Variants in CR1L observed in about 807,000 individuals in gnomAD.
The protein encoded by CR1L is complement component receptor 1-like protein.
Under a neutral mutation model 62.3 loss-of-function variants are expected in CR1L, and 59 were observed. The ratio of observed to expected loss-of-function variants is 0.95; its 90% CI spans 0.77 to 1.18. The LOEUF is 1.18. Ranked by LOEUF, CR1L falls within the 50% of genes most tolerant of loss-of-function variation. The pLI, the probability that CR1L is intolerant of heterozygous loss-of-function variation, is 0.00. For missense variants in CR1L, 700 were observed against 702.8 expected (o/e 1.00, Z 0.04); for synonymous variants, 279 against 248.7 (o/e 1.12, Z -1.15).
chr1:207,698,358 T>A (rs895020854), intron 7 of CR1L, among the ~76,000 whole-genome samples: 4 of 152,128 alleles, frequency 2.6e-5, no homozygotes, highest in South Asian at 2.1e-4. Context: ...ATCAGCATTT[T>A]AAAAAAATCC....
chr1:207,689,111 T>C (rs1571521608), intron 4 of CR1L, among the ~76,000 whole-genome samples: 2 of 152,278 alleles, frequency 1.3e-5, no homozygotes, highest in South Asian at 4.1e-4. Flanking sequence ...ATGTATGCTG[T>C]AGATTTTTGT....
chr1:207,708,560 G>A (rs1289140869), intron 10 of CR1L, among the ~76,000 whole-genome samples: 4 of 152,182 alleles, frequency 2.6e-5, no homozygotes, highest in African/African-American at 9.7e-5. Flanking sequence ...CATTTTCTTT[G>A]GTGAAGTCAA....
intron 10 of CR1L, among the ~76,000 whole-genome samples, chr1:207,715,893 C>T (rs1269505113): frequency 6.6e-6 from 1 of 152,048 alleles, no homozygotes; most frequent in Non-Finnish European, 1.5e-5. Flanking sequence ...TGGAGTCTTG[C>T]CATATTGCCC....
intron 1 of CR1L, among the ~76,000 whole-genome samples, chr1:207,675,159 A>G (rs1279150378): frequency 6.6e-6 from 1 of 152,208 alleles, no homozygotes; most frequent in Non-Finnish European, 1.5e-5. Flanking sequence ...ATACATATCT[A>G]ATATCTTTTG....
chr1:207,688,634 A>T (rs1663949160), intron 4 of CR1L, among the ~76,000 whole-genome samples: 1 of 152,194 alleles, frequency 6.6e-6, no homozygotes, highest in Admixed American at 6.5e-5. Flanking sequence ...TTGAATTTGT[A>T]TTGAGTTTCT....
At position 207,696,069 on chromosome 1, in the gene CR1L, C is replaced by T. The variant is rs376400902; in HGVS notation, c.862+1318C>T. On this transcript the variant is annotated intron_variant, in intron 5 of 11. Coordinates refer to ENST00000508064, the MANE Select transcript of CR1L (RefSeq NM_175710.2). ...TCAGGCAGCCTCCCTAGCAATAGGA[C>T]GAAGGCAGAGTTACCAGAGATCAGG... 1.8e-4 allele frequency among the ~76,000 whole-genome samples: 28 copies of T among 152,248 alleles called. 1 individual carries two copies. Among genetic ancestry groups the T allele is most frequent in the South Asian group, 1.7e-3 (8 of 4,818 alleles).
chr1:207,714,947 A>G lies in CR1L; in HGVS notation c.1415-2517A>G, dbSNP rs532494510. Reference sequence around the variant, plus strand: ...AATGAGAATAAGTGGGATGTCAGAGAGCCATCAATGAAAGATGACACCTGA... The same window carrying G: ...AATGAGAATAAGTGGGATGTCAGAGGGCCATCAATGAAAGATGACACCTGA... On this transcript the variant is annotated intron_variant, in intron 10 of 11. Transcript: ENST00000508064. Among the ~76,000 whole-genome samples the G allele has an allele frequency of 1.1e-4, 17 of 152,304 alleles. No homozygotes were observed. The East Asian group carries it at 3.3e-3, about 29-fold the overall frequency.
At chr1:207,646,861 AATTAT>A (rs1424678610) in intron 1 of CR1L, among the ~76,000 whole-genome samples, 3 of 152,100 alleles carry the variant, frequency 2.0e-5, no homozygotes, top group Non-Finnish European at 2.9e-5. Flanking sequence ...TCTATGTCCA[AATTAT>A]ATTTAGGATC....
chr1:207,676,571 T>G (rs12143527), intron 1 of CR1L, among the ~76,000 whole-genome samples: 71,089 of 152,018 alleles, frequency 0.47, 17,064 homozygotes, highest in East Asian at 0.69. Context: ...TCCATTCACG[T>G]AAAAATTGTC....
intron 10 of CR1L, among the ~76,000 whole-genome samples, chr1:207,709,682 C>T (rs1286992250): frequency 2.6e-5 from 4 of 151,786 alleles, no homozygotes; most frequent in Admixed American, 6.6e-5. Context: ...ACTAGAAATA[C>T]AGAAGTTAGC....
At chr1:207,669,618 C>A (rs571747661) in intron 1 of CR1L, 4 of 1,117,136 alleles carry the variant, frequency 3.6e-6, no homozygotes, top group Non-Finnish European at 5.1e-6. Context: ...GCACCCAGGG[C>A]CCCGCAGAGA....
chr1:207,696,172 G>A (rs1318823425), intron 5 of CR1L, among the ~76,000 whole-genome samples: 1 of 152,200 alleles, frequency 6.6e-6, no homozygotes, highest in Non-Finnish European at 1.5e-5. Context: ...CCACTGAGCA[G>A]GCAGCTCCCT....
chr1:207,700,157 A>G (rs1319151578), intron 8 of CR1L, among the ~76,000 whole-genome samples: 1 of 152,196 alleles, frequency 6.6e-6, no homozygotes, highest in Non-Finnish European at 1.5e-5. Context: ...TGATTGGAAA[A>G]CATGTTTCTT....
At position 207,708,283 on chromosome 1, in the gene CR1L, C is replaced by T. The variant is rs1046647033; in HGVS notation, c.1414+20C>T. The T allele has an allele frequency of 6.2e-7, 1 of 1,609,064 alleles. No homozygotes were observed. The highest frequency in any genetic ancestry group is 8.5e-7 in the Non-Finnish European group (1 of 1,177,446). On this transcript the variant is annotated intron_variant, in intron 10 of 11. Coordinates refer to ENST00000508064, the MANE Select transcript of CR1L (RefSeq NM_175710.2). ...GTCAACGTGAGTTGAAATCTCTTTCCCCATTCACCCCACCATTTAACCCTA... is the reference window on the plus strand; with the variant it reads ...GTCAACGTGAGTTGAAATCTCTTTCTCCATTCACCCCACCATTTAACCCTA...
chr1:207,715,469 T>A (rs2102482388), intron 10 of CR1L: 1 of 938,070 alleles, frequency 1.1e-6, no homozygotes, highest in Admixed American at 2.0e-5. Flanking sequence ...CTGCACGGAA[T>A]CACTTGTCTG....
rs748445817 is a variant in CR1L, at chr1:207,699,264, A to G, written c.1218A>G (p.Pro406=). ...AAAGCCTTTGGAATAGCAGTGTTCC[A>G]GTGTGTGAACGTAAGTAATAGGAGT... is the stretch of plus-strand genomic sequence containing the variant. ...GMESLWNSSV[P]VCERKSCETP... is the part of the protein sequence containing the mutation. Residue 406 remains proline (P), a synonymous_variant, in exon 8 of 12, where the codon CCA becomes CCG. Transcript: ENST00000508064. The G allele has an allele frequency of 1.9e-6, 3 of 1,613,762 alleles. No homozygotes were observed. Among genetic ancestry groups the G allele is most frequent in the South Asian group, 2.2e-5 (2 of 91,076 alleles).
rs138229133 is a variant in CR1L, at chr1:207,659,357, C to G, written c.97+14027C>G. On this transcript the variant is annotated intron_variant, in intron 1 of 11. Transcript: ENST00000508064. The stretch of plus-strand genomic sequence containing the variant: ...AGGGCTCTCCTCAAAGGCTTTCTGA[C>G]CTTGGGGCAGGCTTGACATCCCCAT... Among the ~76,000 whole-genome samples the G allele has an allele frequency of 1.6e-3, 241 of 152,348 alleles. 2 individuals are homozygous for G. Among genetic ancestry groups the G allele is most frequent in the African/African-American group, 3.8e-3 (159 of 41,576 alleles).
At chr1:207,648,208 C>CACACACACACACAG (rs1663165092) in intron 1 of CR1L, among the ~76,000 whole-genome samples, 15 of 53,884 alleles carry the variant, frequency 2.8e-4, no homozygotes, top group African/African-American at 1.0e-3. Context: ...CACACACAGA[C>CACACACACACACAG]ACACACACAC....
chr1:207,668,981 A>G (rs1663565831), intron 1 of CR1L: 1 of 153,446 alleles, frequency 6.5e-6, no homozygotes, highest in Non-Finnish European at 1.4e-5. Flanking sequence ...GGTTCTTCAC[A>G]TTCCCTGTGC....
Sources: allele counts gnomAD v4.1 joint callset (sites outside exome capture counted in the v4.1 genomes callset), GRCh38; gene constraint gnomAD v4.1.1; transcripts MANE v1.5; gene names NCBI Gene and HGNC (gene_info 2026-07-23, HGNC 2026-07-21).